The following TBCE variants were observed in gnomAD, a reference collection of about 807,000 sequenced individuals.
TBCE encodes the protein tubulin-specific chaperone E.
Under a neutral mutation model 77.0 loss-of-function variants are expected in TBCE, and 53 were observed. The ratio of observed to expected loss-of-function variants is 0.69; its 90% CI spans 0.55 to 0.87. The LOEUF (loss-of-function observed/expected upper bound fraction) is 0.87. Among genes scored for constraint, TBCE ranks in the 40% least tolerant of loss-of-function variants. The pLI, the probability that TBCE is intolerant of heterozygous loss-of-function variation, is 0.00. For missense variants in TBCE, 624 were observed against 622.4 expected (o/e 1.00, Z -0.03); for synonymous variants, 235 against 241.3 (o/e 0.97, Z 0.24).
chr1:235,441,448 A>G, intron 13 of TBCE: 2 of 282,296 alleles, frequency 7.1e-6, no homozygotes, highest in South Asian at 7.7e-5. Flanking sequence ...CGGGGAAAAC[A>G]TTTGAAGTAT....
chr1:235,440,456 G>A lies in TBCE; in HGVS notation c.1271-1358G>A, dbSNP rs188017710. On this transcript the variant is annotated intron_variant, in intron 13 of 16. Coordinates refer to ENST00000642610, the MANE Select transcript of TBCE (RefSeq NM_003193.5). ...TGCCCAGACTGGAGTCCAATGGCGC[G>A]ATCTCGGCTCACTGCAACCTCTACC... 5.4e-4 allele frequency among the ~76,000 whole-genome samples: 82 copies of A among 151,812 alleles called. No individual in the cohort carries two copies. In the Middle Eastern group the frequency reaches 0.014, roughly 25 times the overall value.
intron 11 of TBCE, 80 bp from the exon 12 acceptor site, chr1:235,437,241 CT>C: frequency 6.4e-7 from 1 of 1,572,542 alleles, no homozygotes; most frequent in East Asian, 2.2e-5. Context: ...TAGGGACATG[CT>C]TTCCTGTTGC....
chr1:235,381,642 G>A (rs1382939553), intron 2 of TBCE, among the ~76,000 whole-genome samples: 8 of 117,632 alleles, frequency 6.8e-5, no homozygotes, highest in South Asian at 2.9e-4. Flanking sequence ...CCGAGACCAC[G>A]CCACTGCACC....
intron 2 of TBCE, among the ~76,000 whole-genome samples, chr1:235,380,910 C>T (rs548695613): frequency 3.3e-5 from 5 of 152,166 alleles, no homozygotes; most frequent in African/African-American, 7.2e-5. Context: ...CTCAGTCTCT[C>T]GAGTAGCTGG....
intron 4 of TBCE, chr1:235,418,487 TTAACAAATGGCTGCCGGAAGTA>T (rs1680221327): frequency 1.3e-5 from 2 of 152,384 alleles, no homozygotes; most frequent in South Asian, 4.1e-4. Context: ...TTCTCTACAC[TTAACAAATGGCTGCCGGAAGTA>T]TCTGGTCATG....
At chr1:235,443,277 C>T (rs923872691) in intron 15 of TBCE, among the ~76,000 whole-genome samples, 1 of 152,118 alleles carries the variant, frequency 6.6e-6, no homozygotes, top group Non-Finnish European at 1.5e-5. Context: ...ACTCAGCTCA[C>T]GGCAGCCTCT....
chr1:235,432,584 G>A (rs772752768), intron 7 of TBCE, among the ~76,000 whole-genome samples: 21 of 152,162 alleles, frequency 1.4e-4, no homozygotes, highest in Non-Finnish European at 2.6e-4. Context: ...GTTTGAGGCT[G>A]CAGTGAGCTA....
At chr1:235,410,172 G>A (rs549880488) in intron 3 of TBCE, among the ~76,000 whole-genome samples, 5 of 143,974 alleles carry the variant, frequency 3.5e-5, no homozygotes, top group East Asian at 3.9e-4. Context: ...GCTTCAACCA[G>A]GGAGGCTGAG....
At chr1:235,424,183 C>T (rs1471137898) in intron 5 of TBCE, among the ~76,000 whole-genome samples, 2 of 152,122 alleles carry the variant, frequency 1.3e-5, no homozygotes, top group African/African-American at 2.4e-5. Flanking sequence ...TCTGTGACTG[C>T]TGTGCCACCG....
At position 235,438,989 on chromosome 1, in the gene TBCE, G is replaced by A. The variant is rs76365196; in HGVS notation, c.1270+67G>A. The A allele has an allele frequency of 0.03, 48,177 of 1,608,002 alleles. 1,457 individuals carry two copies. Among genetic ancestry groups the A allele is most frequent in the African/African-American group, 0.16 (11,766 of 74,832 alleles). On this transcript the variant is annotated intron_variant, in intron 13 of 16. Coordinates refer to ENST00000642610, the MANE Select transcript of TBCE (RefSeq NM_003193.5). ...CAGCTGGAACAAAGTTTTTTCTTGG[G>A]TATCAAAAGAGGTTCTCAGTGTTGC...
chr1:235,412,738 A>G (rs1679883753), intron 3 of TBCE, among the ~76,000 whole-genome samples: 2 of 152,184 alleles, frequency 1.3e-5, no homozygotes, highest in South Asian at 4.1e-4. Context: ...TCTTAGAGAA[A>G]ACTGTACGTA....
chr1:235,427,353 T>C, intron 6 of TBCE, 114 bp downstream of exon 6: 2 of 774,120 alleles, frequency 2.6e-6, no homozygotes, highest in South Asian at 1.4e-5. Flanking sequence ...GGCTGCCACC[T>C]GATGATACAG....
chr1:235,426,997 T>A (rs1444016530), intron 5 of TBCE, 143 bp from the exon 6 acceptor site: 1 of 663,554 alleles, frequency 1.5e-6, no homozygotes, highest in African/African-American at 1.8e-5. Context: ...CTTAAAAATA[T>A]TATGTACTCC....
At chr1:235,384,400 C>CCT (rs2102821768) in intron 2 of TBCE, among the ~76,000 whole-genome samples, 1 of 146,390 alleles carries the variant, frequency 6.8e-6, no homozygotes, top group African/African-American at 2.5e-5. Flanking sequence ...GGTACCTGTT[C>CCT]CTCCTTGTAC....
chr1:235,401,725 G>T (rs1679116490), intron 3 of TBCE, 138 bp downstream of exon 3: 4 of 723,118 alleles, frequency 5.5e-6, no homozygotes, highest in Non-Finnish European at 7.0e-6. Flanking sequence ...CAAAAAGGCA[G>T]TTATTTTATT....
chr1:235,442,239 T>C (rs910212679), intron 14 of TBCE, among the ~76,000 whole-genome samples: 7 of 152,194 alleles, frequency 4.6e-5, no homozygotes, highest in African/African-American at 1.7e-4. Flanking sequence ...GGCACGATCT[T>C]GGCTCACCGC....
At chr1:235,419,306 C>T (rs1010313812) in intron 4 of TBCE, 167 bp from the exon 5 acceptor site, 1 of 1,019,816 alleles carries the variant, frequency 9.8e-7, no homozygotes, top group Admixed American at 2.3e-5. Flanking sequence ...TTGTAGTGCT[C>T]TTTTTCTTTT....
In TBCE at chr1:235,435,882, A is replaced by G. The variant is rs201950450; in HGVS notation, c.833+42A>G. ...TGCCTGATACAATAGTGTTCAGTCA[A>G]TTCTTAGTGAAGCAGTTTTCATATG... On this transcript the variant is annotated intron_variant, in intron 9 of 16. Transcript: ENST00000642610. 172 of 1,535,130 alleles carry G rather than the reference A, an allele frequency of 1.1e-4. 1 individual carries two copies. The highest frequency in any genetic ancestry group is 1.0e-3 in the Middle Eastern group (6 of 5,916).
chr1:235,400,406 C>CTTTTTTTTT (rs1445157726), intron 2 of TBCE, among the ~76,000 whole-genome samples: 1 of 49,214 alleles, frequency 2.0e-5, no homozygotes, highest in East Asian at 5.2e-4. Context: ...ATTATTTTTC[C>CTTTTTTTTT]TCTTTTTTTT....
Sources: gnomAD v4.1 joint callset for allele counts (sites outside exome capture counted in the v4.1 genomes callset) on GRCh38, gnomAD v4.1.1 for gene constraint, MANE v1.5 for transcripts, NCBI Gene and HGNC (gene_info 2026-07-23, HGNC 2026-07-21) for gene names.